The following TEX11 variants were observed in gnomAD, a reference collection of about 807,000 sequenced individuals.
TEX11 encodes the protein testis expressed 11, also known as testis-expressed protein 11.
In TEX11, 7 loss-of-function variants were observed where a neutral mutation model predicts 84.4. That is an observed-to-expected ratio of 0.08 (90% CI 0.05 to 0.16). TEX11 has a LOEUF of 0.16. Ranked by LOEUF, TEX11 falls within the 10% of genes least tolerant of loss-of-function variation. The pLI is 1.00. For missense variants in TEX11, 551 were observed against 660.5 expected, an observed-to-expected ratio of 0.83 and a Z score of 1.82; for synonymous variants, 264 against 222.8, an observed-to-expected ratio of 1.18 and a Z score of -1.64.
intron 4 of TEX11, 32 bp from the exon 5 acceptor site, chrX:70,860,968 C>A: frequency 1.1e-6 from 1 of 935,478 alleles, no homozygotes; most frequent in Non-Finnish European, 1.5e-6. Context: ...ATGATAAACA[C>A]AAAACATTCA....
chrX:70,583,057 TA>T (rs755699489), intron 25 of TEX11, among the ~76,000 whole-genome samples: 1 of 111,263 alleles, frequency 9.0e-6, no homozygotes, highest in East Asian at 2.8e-4. Context: ...TTTAAATAGG[TA>T]ACCAAGTATT....
At chrX:70,749,398 T>C (rs753732498) in intron 9 of TEX11, among the ~76,000 whole-genome samples, 2 of 111,109 alleles carry the variant, frequency 1.8e-5, no homozygotes, top group South Asian at 3.9e-4. Flanking sequence ...CTTTTCCTAA[T>C]TGAACACCTT....
intron 9 of TEX11, among the ~76,000 whole-genome samples, chrX:70,774,370 T>C (rs1184689957): frequency 1.8e-5 from 2 of 109,334 alleles, no homozygotes; most frequent in Non-Finnish European, 3.8e-5. Context: ...TACTGGAAGT[T>C]GTAGCCAGAG....
At position 70,701,187 on chromosome X, in the gene TEX11, A is replaced by C. The variant is rs2090323179; in HGVS notation, c.1005-18362T>G. On this transcript the variant is annotated intron_variant, in intron 13 of 29. Transcript: ENST00000374333. ...TTTTCAACATAGATGAAACATTCTT[A>C]CATTGGAAGAAGATGCCATCTAGAA... 2.7e-5 allele frequency among the ~76,000 whole-genome samples: 3 copies of C among 112,504 alleles called. No homozygotes were observed. In the South Asian group the frequency reaches 1.1e-3, roughly 41 times the overall value.
intron 17 of TEX11, among the ~76,000 whole-genome samples, chrX:70,638,059 G>A (rs144553725): frequency 9.0e-6 from 1 of 110,641 alleles, no homozygotes; most frequent in African/African-American, 3.3e-5. Flanking sequence ...AGATATGAAG[G>A]TCTGGAAAAC....
intron 9 of TEX11, among the ~76,000 whole-genome samples, chrX:70,787,299 G>A (rs1259893092): frequency 9.0e-6 from 1 of 111,577 alleles, no homozygotes; most frequent in African/African-American, 3.2e-5. Flanking sequence ...TTTACTCTAA[G>A]ATCTAGAACA....
At position 70,605,410 on chromosome X, in the gene TEX11, A is replaced by T. The variant is rs760881132; in HGVS notation, c.2058T>A (p.Ala686=). The change falls in exon 24 of 30, where the codon GCT becomes GCA. Residue 686 remains alanine, a synonymous_variant. Transcript: ENST00000374333. ...GAAGGTTGCACATTACCTGTTCAAA[A>T]GCTGTTGAAGCTTTTCTCCCTTGCT... ...DLEQGRKAST[A]FEQTMFLSRA... The T allele has an allele frequency of 3.0e-5, 36 of 1,189,746 alleles. No homozygotes were observed. The South Asian group carries it at 3.4e-4, about 11-fold the overall frequency.
chrX:70,725,655 C>T (rs1004398080), intron 11 of TEX11, among the ~76,000 whole-genome samples: 1 of 111,845 alleles, frequency 8.9e-6, no homozygotes, highest in African/African-American at 3.2e-5. Flanking sequence ...AACCACAAAC[C>T]GGCTAGTTTT....
chrX:70,669,954 G>T (rs1033161120), intron 16 of TEX11, among the ~76,000 whole-genome samples: 2 of 112,180 alleles, frequency 1.8e-5, no homozygotes, highest in Admixed American at 9.4e-5. Context: ...GGTTGGAAAG[G>T]CAAGAGATAA....
intron 11 of TEX11, 21 bp from the exon 12 acceptor site, chrX:70,725,364 A>T (rs2090591777): frequency 9.3e-7 from 1 of 1,078,340 alleles, no homozygotes. Flanking sequence ...CAAAGAAATC[A>T]CAATGATATT....
chrX:70,655,582 C>A (rs2089856946), intron 16 of TEX11, among the ~76,000 whole-genome samples: 1 of 111,367 alleles, frequency 9.0e-6, no homozygotes, highest in African/African-American at 3.3e-5. Flanking sequence ...CATATATGTA[C>A]ATACACAGTG....
intron 9 of TEX11, among the ~76,000 whole-genome samples, chrX:70,771,554 A>G (rs894076073): frequency 2.7e-5 from 3 of 111,455 alleles, no homozygotes; most frequent in Non-Finnish European, 5.7e-5. Context: ...CTTAAAAAAA[A>G]CTCCTTAAAT....
At chrX:70,600,574 GCACCA>G (rs1169539236) in intron 24 of TEX11, among the ~76,000 whole-genome samples, 1 of 108,413 alleles carries the variant, frequency 9.2e-6, no homozygotes, top group Non-Finnish European at 1.9e-5. Flanking sequence ...ATTCTTTTCA[GCACCA>G]CACCACACCT....
intron 12 of TEX11, among the ~76,000 whole-genome samples, chrX:70,723,055 C>T (rs956311416): frequency 9.0e-6 from 1 of 111,680 alleles, no homozygotes; most frequent in African/African-American, 3.3e-5. Flanking sequence ...GCTCTCTATA[C>T]CTTAGTTTTG....
At chrX:70,587,446 C>T (rs2088868398) in intron 25 of TEX11, among the ~76,000 whole-genome samples, 1 of 112,685 alleles carries the variant, frequency 8.9e-6, no homozygotes, top group African/African-American at 3.2e-5. Context: ...CAACATACAG[C>T]TCAGGCCATT....
chrX:70,752,211 C>G (rs1001706847), intron 9 of TEX11, among the ~76,000 whole-genome samples: 1 of 111,559 alleles, frequency 9.0e-6, no homozygotes, highest in Admixed American at 9.5e-5. Context: ...ACCATGCATA[C>G]TTGAGTTTTT....
At chrX:70,830,530 C>G in intron 8 of TEX11, among the ~76,000 whole-genome samples, 1 of 111,940 alleles carries the variant, frequency 8.9e-6, no homozygotes, top group Non-Finnish European at 1.9e-5. Context: ...AGACAACCTA[C>G]AGAATAGGAG....
chrX:70,554,714 T>C lies in TEX11; in HGVS notation c.2227A>G (p.Ser743Gly), dbSNP rs2147948604. ...AACTCCCACACTGATTCCAGGAAGCTTTCCAGTAATGGATCATTCAATTTG... is the reference window on the plus strand; with the variant it reads ...AACTCCCACACTGATTCCAGGAAGCCTTCCAGTAATGGATCATTCAATTTG... ...RAKLNDPLLE[S>G]FLESVWELPH... The change falls in exon 26 of 30, where the codon AGC becomes GGC. Residue 743 changes from serine (S) to glycine (G), a missense_variant. Coordinates refer to ENST00000374333, the MANE Select transcript of TEX11 (RefSeq NM_031276.3). The C allele has an allele frequency of 1.7e-6, 2 of 1,209,905 alleles. No homozygotes were observed. Among genetic ancestry groups the C allele is most frequent in the East Asian group, 3.0e-5 (1 of 33,771 alleles).
intron 13 of TEX11, among the ~76,000 whole-genome samples, chrX:70,715,595 C>G (rs777442849): frequency 8.9e-6 from 1 of 112,188 alleles, no homozygotes; most frequent in Non-Finnish European, 1.9e-5. Flanking sequence ...GCTACTGAGG[C>G]TTGTGCATTT....
Sources: gnomAD v4.1 joint callset for allele counts (sites outside exome capture counted in the v4.1 genomes callset) on GRCh38, gnomAD v4.1.1 for gene constraint, MANE v1.5 for transcripts, NCBI Gene and HGNC (gene_info 2026-07-23, HGNC 2026-07-21) for gene names.